SF3A3: variants seen among roughly 807,000 people sequenced by gnomAD.
SF3A3 encodes SAP 61.
In SF3A3, 9 loss-of-function variants were observed where a neutral mutation model predicts 85.8. That is an observed-to-expected ratio of 0.10 (90% confidence interval 0.06 to 0.18). The LOEUF is 0.18. Among genes scored for constraint, SF3A3 ranks in the 10% least tolerant of loss-of-function variants. SF3A3 has a pLI of 1.00. For synonymous variants in SF3A3, 195 were observed against 204.4 expected (o/e 0.95, Z 0.39); for missense variants, 306 against 593.3 (o/e 0.52, Z 5.03).
Position 37,989,937 on chromosome 1 carries a change from C to A in SF3A3, c.29G>T (p.Arg10Leu), listed in dbSNP as rs1646484263. 1 of 1,612,888 alleles carries A rather than the reference C, an allele frequency of 6.2e-7. No homozygotes were observed. Among genetic ancestry groups the A allele is most frequent in the Non-Finnish European group, 8.5e-7 (1 of 1,179,842 alleles). Residue 10 changes from arginine (R) to leucine (L), a missense_variant, in exon 1 of 17, where the codon CGC (arginine) becomes CTC (leucine). By Grantham distance (102) the Arg-to-Leu change is moderately radical. Coordinates refer to ENST00000373019, the MANE Select transcript of SF3A3 (RefSeq NM_006802.4). METILEQQR[R>L]YHEEKERLMD... The stretch of plus-strand genomic sequence containing the variant: ...GAGCCGTTCCTTCTCCTCATGATAG[C>A]GCCGCTGCTGCTCCAGTATTGTCTC...
At chr1:37,989,688 C>A in intron 1 of SF3A3, 93 bp from the exon 2 acceptor site, 1 of 1,468,084 alleles carries the variant, frequency 6.8e-7, no homozygotes, top group Non-Finnish European at 9.3e-7. Flanking sequence ...TCAGCTTTTA[C>A]CAGCTGAGGC....
At chr1:37,980,841 C>CTTTTTTTTT (rs760972269) in intron 7 of SF3A3, 117 bp from the exon 8 acceptor site, 1 of 92,322 alleles carries the variant, frequency 1.1e-5, no homozygotes, top group African/African-American at 7.4e-5. Flanking sequence ...TTTTAATACT[C>CTTTTTTTTT]TTTTTTTTTT....
At chr1:37,985,510 A>G (rs1374067571) in intron 4 of SF3A3, among the ~76,000 whole-genome samples, 1 of 152,252 alleles carries the variant, frequency 6.6e-6, no homozygotes, top group Non-Finnish European at 1.5e-5. Flanking sequence ...AAATATGCAC[A>G]AAGTTTGGAA....
intron 8 of SF3A3, 146 bp from the exon 9 acceptor site, chr1:37,979,679 A>G: frequency 1.7e-6 from 1 of 573,364 alleles, no homozygotes; most frequent in Non-Finnish European, 3.2e-6. Context: ...AACATGGTGA[A>G]ATCTTGTCTC....
chr1:37,981,844 G>A (rs1557754265), intron 6 of SF3A3, 33 bp from the exon 7 acceptor site: 1 of 1,268,392 alleles, frequency 7.9e-7, no homozygotes, highest in African/African-American at 1.5e-5. Context: ...AAGAAATTCA[G>A]TTAGGTATTT....
In SF3A3 at chr1:37,987,660, G is replaced by A. The variant is rs760195243; in HGVS notation, c.216C>T (p.Leu72=). The change falls in exon 4 of 17, where the codon CTC becomes CTT. Residue 72 remains leucine, a synonymous_variant. Transcript: ENST00000373019. ...ACTCATTGGGTCCTGAAATGGCATT[G>A]AGCTCCTCCTTTCGTAATCTGCAAT... The part of the protein sequence containing the change: ...DDKDGLRKEE[L]NAISGPNEFA... The A allele has an allele frequency of 6.2e-7, 1 of 1,613,972 alleles. No individual in the cohort carries two copies. The highest frequency in any genetic ancestry group is 1.1e-5 in the South Asian group (1 of 91,078).
chr1:37,971,221 T>C (rs1379748873), intron 12 of SF3A3, among the ~76,000 whole-genome samples: 1 of 142,496 alleles, frequency 7.0e-6, no homozygotes, highest in Non-Finnish European at 1.6e-5. Context: ...GAGAATACTA[T>C]AAACACCTCT....
At chr1:37,988,286 T>C (rs879372811) in intron 2 of SF3A3, among the ~76,000 whole-genome samples, 6 of 152,336 alleles carry the variant, frequency 3.9e-5, no homozygotes, top group Non-Finnish European at 8.8e-5. Flanking sequence ...AGTCAAAGTA[T>C]ACTAATTCAG....
intron 11 of SF3A3, among the ~76,000 whole-genome samples, 184 bp downstream of exon 11, chr1:37,978,536 C>T (rs768924481): frequency 4.6e-5 from 7 of 152,022 alleles, no homozygotes; most frequent in African/African-American, 7.2e-5. Flanking sequence ...TGAATACAGA[C>T]GGTCCTTGGT....
intron 15 of SF3A3, among the ~76,000 whole-genome samples, chr1:37,966,592 C>A (rs1269196937): frequency 6.6e-6 from 1 of 152,182 alleles, no homozygotes; most frequent in African/African-American, 2.4e-5. Context: ...GCACAGAGCT[C>A]TTCTCAAAGG....
At chr1:37,977,002 G>T in intron 11 of SF3A3, 49 bp from the exon 12 acceptor site, 1 of 1,329,452 alleles carries the variant, frequency 7.5e-7, no homozygotes, top group Non-Finnish European at 1.1e-6. Context: ...CTCATCCATT[G>T]TTTTGTTCCC....
chr1:37,987,904 A>C (rs10890285), intron 2 of SF3A3, 68 bp from the exon 3 acceptor site: 392,002 of 1,295,988 alleles, frequency 0.3, 61,931 homozygotes, highest in East Asian at 0.44. Flanking sequence ...GCAAACAACA[A>C]GGGTTCTCCA....
At chr1:37,986,537 C>A (rs1646458249) in intron 4 of SF3A3, among the ~76,000 whole-genome samples, 3 of 151,898 alleles carry the variant, frequency 2.0e-5, no homozygotes, top group South Asian at 4.2e-4. Flanking sequence ...GAGGGCCGGG[C>A]GCGGTGGCTC....
intron 15 of SF3A3, among the ~76,000 whole-genome samples, chr1:37,961,344 G>A (rs976176800): frequency 8.5e-5 from 13 of 152,070 alleles, no homozygotes; most frequent in African/African-American, 2.9e-4. Flanking sequence ...CAGCACTTTG[G>A]GAAGCTGAGG....
chr1:37,979,901 A>G (rs1345298286), intron 8 of SF3A3, among the ~76,000 whole-genome samples: 1 of 151,932 alleles, frequency 6.6e-6, no homozygotes, highest in East Asian at 1.9e-4. Flanking sequence ...AAAACAAAAA[A>G]ACCCCACCAG....
chr1:37,958,373 T>C (rs577396205), intron 16 of SF3A3, 110 bp from the exon 17 acceptor site: 2 of 764,308 alleles, frequency 2.6e-6, no homozygotes, highest in South Asian at 3.0e-5. Context: ...CATACTCTGG[T>C]ACACTAAGAT....
chr1:37,963,245 G>GTAGA (rs1244273233), intron 15 of SF3A3, among the ~76,000 whole-genome samples: 4 of 152,152 alleles, frequency 2.6e-5, no homozygotes, highest in Non-Finnish European at 4.4e-5. Context: ...AGCCCAAGAG[G>GTAGA]TAGAGGCTGC....
At chr1:37,987,500 C>T in intron 4 of SF3A3, 73 bp downstream of exon 4, 2 of 1,075,022 alleles carry the variant, frequency 1.9e-6, no homozygotes, top group East Asian at 4.7e-5. Flanking sequence ...AGCACATGTC[C>T]AGTTTCCTTT....
intron 12 of SF3A3, among the ~76,000 whole-genome samples, chr1:37,976,186 C>T (rs1471477712): frequency 6.6e-6 from 1 of 151,774 alleles, no homozygotes; most frequent in African/African-American, 2.4e-5. Context: ...ACACAGCAGA[C>T]ACAATCAGAA....
Sources: allele counts gnomAD v4.1 joint callset (sites outside exome capture counted in the v4.1 genomes callset), GRCh38; gene constraint gnomAD v4.1.1; transcripts MANE v1.5; gene names NCBI Gene and HGNC (gene_info 2026-07-23, HGNC 2026-07-21).